The following ZPBP variants were observed in gnomAD, a reference collection of about 807,000 sequenced individuals.
The protein encoded by ZPBP is zona pellucida binding protein.
In ZPBP, 26 loss-of-function variants were observed where a neutral mutation model predicts 44.8. The ratio of observed to expected loss-of-function variants is 0.58; its 90% CI spans 0.43 to 0.81. The LOEUF is 0.81. ZPBP is among the 30% of genes least tolerant of loss of function. ZPBP has a pLI of 0.00. For synonymous variants in ZPBP, 174 were observed against 153.2 expected, an observed-to-expected ratio of 1.14 and a Z score of -1.00; for missense variants, 409 against 434.0, an observed-to-expected ratio of 0.94 and a Z score of 0.51.
intron 6 of ZPBP, among the ~76,000 whole-genome samples, chr7:49,992,329 A>T (rs1444177646): frequency 6.6e-6 from 1 of 152,194 alleles, no homozygotes; most frequent in Non-Finnish European, 1.5e-5. Context: ...AAATGATTTT[A>T]AAAGTATATT....
At chr7:49,864,488 A>C (rs1193848895) in intron 2 of ZPBP, among the ~76,000 whole-genome samples, 1 of 152,150 alleles carries the variant, frequency 6.6e-6, no homozygotes, top group East Asian at 1.9e-4. Context: ...GAATGCCCGA[A>C]TATCCCAAGG....
intron 2 of ZPBP, among the ~76,000 whole-genome samples, chr7:49,893,719 T>G (rs1309796847): frequency 6.6e-6 from 1 of 151,428 alleles, no homozygotes; most frequent in Non-Finnish European, 1.5e-5. Flanking sequence ...CGAAATACAA[T>G]AGATGTTGAT....
chr7:49,874,224 G>A (rs142323779), intron 2 of ZPBP, among the ~76,000 whole-genome samples: 10 of 152,088 alleles, frequency 6.6e-5, no homozygotes, highest in African/African-American at 2.2e-4. Flanking sequence ...ACCACATTTC[G>A]GTCAACTATA....
intron 7 of ZPBP, among the ~76,000 whole-genome samples, chr7:49,983,058 G>C (rs574488945): frequency 4.7e-4 from 72 of 151,986 alleles, no homozygotes; most frequent in Middle Eastern, 6.8e-3. Context: ...TTTTTTTAAA[G>C]TCAGGAACTC....
chr7:49,892,273 C>T (rs1306280074), intron 2 of ZPBP, among the ~76,000 whole-genome samples: 1 of 151,864 alleles, frequency 6.6e-6, no homozygotes, highest in South Asian at 2.1e-4. Flanking sequence ...GTCTCGATCT[C>T]CTGACCTCGT....
At chr7:50,027,481 A>C (rs1177384572) in intron 5 of ZPBP, among the ~76,000 whole-genome samples, 1 of 152,112 alleles carries the variant, frequency 6.6e-6, no homozygotes. Flanking sequence ...AGTATTCAGA[A>C]GGAAATGTAT....
intron 1 of ZPBP, among the ~76,000 whole-genome samples, chr7:49,904,470 A>G (rs1792967943): frequency 6.6e-6 from 1 of 152,206 alleles, no homozygotes; most frequent in South Asian, 2.1e-4. Flanking sequence ...ATGCATGTAG[A>G]TACACATGTT....
intron 1 of ZPBP, among the ~76,000 whole-genome samples, chr7:49,932,440 T>G (rs1477380240): frequency 6.6e-6 from 1 of 152,230 alleles, no homozygotes; most frequent in Non-Finnish European, 1.5e-5. Context: ...GCTTTAAGAT[T>G]TGGCTGCCCT....
chr7:50,049,972 T>C (rs1009462885), intron 4 of ZPBP, among the ~76,000 whole-genome samples: 1 of 151,938 alleles, frequency 6.6e-6, no homozygotes, highest in Non-Finnish European at 1.5e-5. Flanking sequence ...AACACAAAAT[T>C]ACACATATTA....
intron 1 of ZPBP, chr7:49,913,350 G>A (rs552753703): frequency 6.6e-6 from 1 of 152,234 alleles, no homozygotes; most frequent in African/African-American, 2.4e-5. Context: ...CCACTGCAAA[G>A]TCCTGCTAAT....
intron 6 of ZPBP, among the ~76,000 whole-genome samples, chr7:50,004,876 GTTTA>G (rs1247325756): frequency 6.6e-6 from 1 of 152,110 alleles, no homozygotes; most frequent in East Asian, 1.9e-4. Flanking sequence ...AGGGCAGAGA[GTTTA>G]TTTAAATAAA....
chr7:49,900,907 T>C (rs1792689181), intron 2 of ZPBP, among the ~76,000 whole-genome samples: 1 of 151,894 alleles, frequency 6.6e-6, no homozygotes. Flanking sequence ...AGAATAATTA[T>C]ACATCACAAC....
At chr7:49,927,788 G>A (rs1794299529) in intron 1 of ZPBP, among the ~76,000 whole-genome samples, 2 of 152,148 alleles carry the variant, frequency 1.3e-5, no homozygotes. Context: ...ATGAGTATGA[G>A]CCCACTGCCA....
At chr7:49,886,315 G>T (rs1010635871) in intron 2 of ZPBP, among the ~76,000 whole-genome samples, 1 of 151,356 alleles carries the variant, frequency 6.6e-6, no homozygotes, top group African/African-American at 2.5e-5. Flanking sequence ...ATTTGGAAGC[G>T]CAAAATTCAC....
At chr7:50,004,317 T>C (rs1798214912) in intron 6 of ZPBP, among the ~76,000 whole-genome samples, 1 of 152,102 alleles carries the variant, frequency 6.6e-6, no homozygotes. Flanking sequence ...TTTTAGCCTT[T>C]GGACTCAGGG....
chr7:49,949,637 T>A (rs79236863), intron 7 of ZPBP, among the ~76,000 whole-genome samples: 2,756 of 151,934 alleles, frequency 0.018, 42 homozygotes, highest in South Asian at 0.03. Context: ...GAGAAGGGAA[T>A]GGGGAGTTAT....
the ZPBP span, among the ~76,000 whole-genome samples, chr7:49,841,452 G>C: frequency 2.0e-5 from 3 of 152,198 alleles, no homozygotes; most frequent in Non-Finnish European, 4.4e-5. Context: ...TAGGGATTCA[G>C]TGTTTTAAGT....
At chr7:49,961,734 T>TTTTTAA (rs1795868273) in intron 7 of ZPBP, among the ~76,000 whole-genome samples, 1 of 152,068 alleles carries the variant, frequency 6.6e-6, no homozygotes, top group Non-Finnish European at 1.5e-5. Flanking sequence ...AAATTTTTAA[T>TTTTTAA]TAGGATAAAA....
intron 2 of ZPBP, among the ~76,000 whole-genome samples, chr7:50,084,072 T>C (rs1772475571): frequency 6.6e-6 from 1 of 151,828 alleles, no homozygotes. Context: ...AACTGGAATA[T>C]AAACAATATG....
Sources: gnomAD v4.1 joint callset for allele counts (sites outside exome capture counted in the v4.1 genomes callset) on GRCh38, gnomAD v4.1.1 for gene constraint, MANE v1.5 for transcripts, NCBI Gene and HGNC (gene_info 2026-07-23, HGNC 2026-07-21) for gene names.